Variants in OTUD7B observed in about 807,000 individuals in gnomAD.
OTUD7B encodes OTU domain-containing protein 7B.
OTUD7B carries 34 observed loss-of-function variants against 82.2 expected under a neutral mutation model. That is an observed-to-expected ratio of 0.41 (90% CI 0.31 to 0.55). OTUD7B has a LOEUF of 0.55. OTUD7B is among the 20% of genes least tolerant of loss of function. The probability of loss-of-function intolerance (pLI) is 0.20; values close to 1 mark genes in which losing one functional copy is unlikely to be tolerated. For synonymous variants in OTUD7B, 398 were observed against 402.7 expected (o/e 0.99, Z 0.14); for missense variants, 944 against 1,062.1 (o/e 0.89, Z 1.55).
chr1:150,017,648 T>C, the OTUD7B span, among the ~76,000 whole-genome samples: 4 of 152,210 alleles, frequency 2.6e-5, no homozygotes, highest in African/African-American at 9.6e-5. Context: ...AAAGTCACTC[T>C]GCCCCTGACT....
chr1:149,986,915 TTC>T (rs1181603741), intron 1 of OTUD7B, among the ~76,000 whole-genome samples: 2 of 152,228 alleles, frequency 1.3e-5, no homozygotes, highest in African/African-American at 4.8e-5. Flanking sequence ...ACTATATTTT[TTC>T]TTTTTTCTTT....
intron 1 of OTUD7B, among the ~76,000 whole-genome samples, chr1:149,980,257 A>G (rs1306959125): frequency 4.0e-5 from 6 of 151,136 alleles, no homozygotes; most frequent in Non-Finnish European, 8.8e-5. Flanking sequence ...TGAAGCACTA[A>G]GCCAAACTTC....
intron 3 of OTUD7B, among the ~76,000 whole-genome samples, chr1:149,969,650 G>A (rs1571652239): frequency 6.6e-6 from 1 of 152,016 alleles, no homozygotes; most frequent in Non-Finnish European, 1.5e-5. Flanking sequence ...CTTTTAAAAC[G>A]CAAATGAGAG....
chr1:150,052,712 CAAAAAGAACA>C, the OTUD7B span, among the ~76,000 whole-genome samples: 2 of 150,876 alleles, frequency 1.3e-5, no homozygotes, highest in Non-Finnish European at 2.9e-5. Context: ...ATAGCAAAGC[CAAAAAGAACA>C]AACCTGGAGG....
chr1:149,962,953 C>A (rs1649258793), intron 6 of OTUD7B: 1 of 152,192 alleles, frequency 6.6e-6, no homozygotes, highest in Non-Finnish European at 1.5e-5. Flanking sequence ...ACTTATGTGG[C>A]CTTGCCCCTG....
chr1:149,966,082 T>A (rs899617076), intron 4 of OTUD7B, among the ~76,000 whole-genome samples: 3 of 152,166 alleles, frequency 2.0e-5, no homozygotes, highest in African/African-American at 7.2e-5. Context: ...GTGAGTAGGG[T>A]CAATTTTGTC....
chr1:150,045,388 C>A, the OTUD7B span, among the ~76,000 whole-genome samples: 6 of 152,048 alleles, frequency 3.9e-5, no homozygotes, highest in Non-Finnish European at 7.3e-5. Context: ...GCCACCGTGT[C>A]CAGCCAGAAA....
the OTUD7B span, among the ~76,000 whole-genome samples, chr1:150,039,328 T>A: frequency 6.6e-6 from 1 of 152,170 alleles, no homozygotes; most frequent in Non-Finnish European, 1.5e-5. Flanking sequence ...GAGATTACCA[T>A]AATCATAAGA....
the OTUD7B span, among the ~76,000 whole-genome samples, chr1:150,035,995 C>G: frequency 1.4e-5 from 2 of 142,972 alleles, no homozygotes; most frequent in Non-Finnish European, 3.0e-5. Context: ...TGTCTGCCGT[C>G]CAGGCTGGAG....
chr1:149,944,730 T>C lies in OTUD7B; in HGVS notation c.1659A>G (p.Lys553=), dbSNP rs1559821516. Residue 553 remains lysine (K), a synonymous_variant, in exon 12 of 12, where the codon AAA becomes AAG. Transcript: ENST00000581312. ...SGTETLEKKK[K]NSLKSWKGGK... is the part of the protein sequence containing the mutation. ...CACCCTTCCAGCTCTTCAGTGAGTT[T>C]TTCTTCTTCTTCTCCAGTGTCTCAG... 3 of 1,613,744 alleles carry C rather than the reference T, an allele frequency of 1.9e-6. No individual in the cohort carries two copies. The highest frequency in any genetic ancestry group is 1.7e-5 in the Admixed American group (1 of 60,002).
At chr1:150,054,040 A>T in the OTUD7B span, 1 of 352,996 alleles carries the variant, frequency 2.8e-6, no homozygotes, top group Non-Finnish European at 5.3e-6. Flanking sequence ...GATATTCTCC[A>T]TCTGCTATGT....
rs182084318 is a variant in OTUD7B at position 149,957,877 on chromosome 1, C to T, written c.845+1807G>A. Among the ~76,000 whole-genome samples, 179 of 152,322 alleles carry T rather than the reference C, an allele frequency of 1.2e-3. 1 individual carries two copies. Among genetic ancestry groups the T allele is most frequent in the African/African-American group, 4.1e-3 (171 of 41,572 alleles). On this transcript the variant is annotated intron_variant, in intron 7 of 11. Transcript: ENST00000581312. ...CTCCTGGTGTGCCATTTGCTAAGAC[C>T]GTTGGAAAAGGGCAGTATTAGGGTG... is the stretch of plus-strand genomic sequence containing the variant.
chr1:150,065,343 G>A, the OTUD7B span, among the ~76,000 whole-genome samples: 1 of 152,078 alleles, frequency 6.6e-6, no homozygotes, highest in Non-Finnish European at 1.5e-5. Context: ...CCAAAGTGTT[G>A]GGATTACAGG....
At chr1:149,974,860 T>C (rs1650198455) in intron 2 of OTUD7B, among the ~76,000 whole-genome samples, 1 of 14,476 alleles carries the variant, frequency 6.9e-5, no homozygotes, top group Admixed American at 1.1e-3. Context: ...TCTTTCTTTT[T>C]CTTTCTTTTT....
chr1:149,975,377 A>G (rs1188639675), intron 2 of OTUD7B, among the ~76,000 whole-genome samples: 1 of 152,226 alleles, frequency 6.6e-6, no homozygotes, highest in Non-Finnish European at 1.5e-5. Context: ...ATACTCTGAA[A>G]CCAGATTGCC....
chr1:149,979,383 C>T (rs1446715034), intron 1 of OTUD7B, among the ~76,000 whole-genome samples: 2 of 152,176 alleles, frequency 1.3e-5, no homozygotes, highest in Non-Finnish European at 2.9e-5. Context: ...TACCTACATA[C>T]ACCTATATGT....
chr1:150,056,023 C>T, the OTUD7B span, among the ~76,000 whole-genome samples: 2 of 151,746 alleles, frequency 1.3e-5, no homozygotes, highest in Admixed American at 6.6e-5. Flanking sequence ...CACATGTACC[C>T]CCGAACCTAA....
intron 2 of OTUD7B, among the ~76,000 whole-genome samples, chr1:149,972,834 A>G (rs1650028079): frequency 6.6e-6 from 1 of 152,128 alleles, no homozygotes; most frequent in Admixed American, 6.6e-5. Flanking sequence ...CTGTCTGCAA[A>G]TCTCCTTAAA....
chr1:149,959,000 T>A (rs1648934936), intron 7 of OTUD7B, among the ~76,000 whole-genome samples: 1 of 151,768 alleles, frequency 6.6e-6, no homozygotes, highest in Non-Finnish European at 1.5e-5. Context: ...GGTGGGTGGA[T>A]CACTTGAGGC....
Sources: gnomAD v4.1 joint callset for allele counts (sites outside exome capture counted in the v4.1 genomes callset) on GRCh38, gnomAD v4.1.1 for gene constraint, MANE v1.5 for transcripts, NCBI Gene and HGNC (gene_info 2026-07-23, HGNC 2026-07-21) for gene names.